CAMTA1: variants seen among roughly 807,000 people sequenced by gnomAD.
CAMTA1 encodes the protein calmodulin binding transcription activator 1.
CAMTA1 carries 27 observed loss-of-function variants against 170.9 expected under a neutral mutation model. The ratio of observed to expected loss-of-function variants is 0.16; its 90% CI spans 0.12 to 0.22. CAMTA1 has a LOEUF of 0.22. CAMTA1 is among the 10% of genes least tolerant of loss of function. CAMTA1 has a pLI of 1.00. For synonymous variants in CAMTA1, 833 were observed against 891.5 expected (o/e 0.93, Z 1.17); for missense variants, 1,619 against 2,217.2 (o/e 0.73, Z 5.42).
At position 7,323,507 on chromosome 1, in the gene CAMTA1, C is replaced by CTTTTTT. The variant is rs56382342; in HGVS notation, c.438+73901_438+73906dup. On this transcript the variant is annotated intron_variant, in intron 5 of 22. Transcript: ENST00000303635. ...GGATGATTCTATTTCCTTTATTCTT[C>CTTTTTT]TTTTTTTTTTTTTTTTTTTTTTTTT... 2.1e-3 allele frequency among the ~76,000 whole-genome samples: 231 copies of CTTTTTT among 108,942 alleles called. 2 individuals carry two copies. Among genetic ancestry groups the CTTTTTT allele is most frequent in the African/African-American group, 4.2e-3 (122 of 29,114 alleles). 71.5% of individuals were successfully genotyped at this position (108,942 alleles called of 152,430 possible).
At chr1:7,151,050 C>T (rs1015209744) in intron 4 of CAMTA1, among the ~76,000 whole-genome samples, 3 of 152,204 alleles carry the variant, frequency 2.0e-5, no homozygotes, top group African/African-American at 7.2e-5. Context: ...TTGGGGGGAG[C>T]ACCCGTTGAA....
chr1:7,497,290 G>C (rs1194840166), intron 6 of CAMTA1, among the ~76,000 whole-genome samples: 1 of 152,036 alleles, frequency 6.6e-6, no homozygotes, highest in East Asian at 1.9e-4. Context: ...GGAGCTAGAA[G>C]CCAGCCACCT....
At chr1:7,322,090 G>C (rs951818409) in intron 5 of CAMTA1, among the ~76,000 whole-genome samples, 2 of 152,150 alleles carry the variant, frequency 1.3e-5, no homozygotes, top group Admixed American at 1.3e-4. Context: ...TTATTTGGGG[G>C]CATTTGCACA....
At chr1:6,898,349 C>T (rs1010998165) in intron 3 of CAMTA1, among the ~76,000 whole-genome samples, 3 of 152,068 alleles carry the variant, frequency 2.0e-5, no homozygotes, top group East Asian at 1.9e-4. Context: ...GTCAGGAGAT[C>T]GAGACCATCC....
Position 7,665,276 on chromosome 1 carries a change from A to T in CAMTA1, c.2652+77A>T. The T allele has an allele frequency of 8.0e-7, 1 of 1,250,090 alleles. No homozygotes were observed. Among genetic ancestry groups the T allele is most frequent in the Non-Finnish European group, 1.1e-6 (1 of 952,030 alleles). 77.4% of individuals were successfully genotyped at this position (1,250,090 alleles called of 1,614,324 possible). A position where few individuals can be genotyped will look rare whatever the true frequency, so the allele number is the denominator to read the frequency against. On this transcript the variant is annotated intron_variant, in intron 9 of 22. Transcript: ENST00000303635. This position sits in a 1 kb window ranked among gnomAD's most constrained non-coding sequence, Gnocchi z 4.3. Reference sequence around the variant, plus strand: ...CCAGCCCCTGCGCCACCCTGCAGCTAAGGGATGCCTGTGGCTGCCCTTCAG... The same window carrying T: ...CCAGCCCCTGCGCCACCCTGCAGCTTAGGGATGCCTGTGGCTGCCCTTCAG...
chr1:7,084,750 G>A (rs184600532), intron 3 of CAMTA1, among the ~76,000 whole-genome samples: 16 of 152,316 alleles, frequency 1.1e-4, no homozygotes, highest in Admixed American at 6.5e-4. Flanking sequence ...CATCCAGTAC[G>A]GCGGCCATGT....
In CAMTA1 at chr1:7,252,256, C is replaced by T. The variant is rs114518451; in HGVS notation, c.438+2630C>T. On this transcript the variant is annotated intron_variant, in intron 5 of 22. Transcript: ENST00000303635. ...GATTACAGTTTTCCCCACATCCTCT[C>T]GCTTAGTGATAGATGAGAGATGGTA... 6.9e-3 allele frequency among the ~76,000 whole-genome samples: 1,048 copies of T among 152,290 alleles called. 7 individuals are homozygous for T. The highest frequency in any genetic ancestry group is 0.024 in the African/African-American group (1,001 of 41,552).
At chr1:7,012,410 C>T (rs1359898536) in intron 3 of CAMTA1, among the ~76,000 whole-genome samples, 1 of 152,132 alleles carries the variant, frequency 6.6e-6, no homozygotes, top group African/African-American at 2.4e-5. Flanking sequence ...GGTCCTGCCT[C>T]CTGGGTTTCT....
intron 5 of CAMTA1, among the ~76,000 whole-genome samples, chr1:7,270,204 C>T (rs1669488392): frequency 7.4e-6 from 1 of 135,138 alleles, no homozygotes; most frequent in African/African-American, 2.9e-5. Flanking sequence ...TATATATACA[C>T]ATATATATAC....
intron 6 of CAMTA1, among the ~76,000 whole-genome samples, chr1:7,518,665 G>T (rs2094320453): frequency 6.6e-6 from 1 of 152,010 alleles, no homozygotes; most frequent in Non-Finnish European, 1.5e-5. Flanking sequence ...GGGCTGGCCT[G>T]GTGCAGGGAG....
chr1:7,655,650 C>T (rs1182222428), intron 7 of CAMTA1, among the ~76,000 whole-genome samples: 1 of 151,166 alleles, frequency 6.6e-6, no homozygotes, highest in Non-Finnish European at 1.5e-5. Context: ...ACACACTACA[C>T]ACCCACACAC....
intron 5 of CAMTA1, among the ~76,000 whole-genome samples, chr1:7,263,069 G>C (rs993693556): frequency 6.6e-6 from 1 of 152,028 alleles, no homozygotes; most frequent in South Asian, 2.1e-4. Flanking sequence ...AACGAGATGC[G>C]ACACGGTATT....
chr1:6,814,947 CTGTG>C (rs1645612814), intron 1 of CAMTA1, among the ~76,000 whole-genome samples: 1 of 152,002 alleles, frequency 6.6e-6, no homozygotes, highest in African/African-American at 2.4e-5. Flanking sequence ...ATGAATGTGC[CTGTG>C]TGTAACATCC....
At chr1:7,170,294 C>CTT (rs750800065) in intron 4 of CAMTA1, among the ~76,000 whole-genome samples, 28 of 132,266 alleles carry the variant, frequency 2.1e-4, no homozygotes, top group African/African-American at 6.9e-4. Context: ...AAATGGGTTT[C>CTT]TTTTTTTTTT....
intron 5 of CAMTA1, among the ~76,000 whole-genome samples, chr1:7,263,546 C>T (rs77139320): frequency 2.0e-5 from 3 of 152,108 alleles, no homozygotes; most frequent in Non-Finnish European, 2.9e-5. Flanking sequence ...AATTATCCTC[C>T]GTTTCTTTTA....
intron 5 of CAMTA1, among the ~76,000 whole-genome samples, chr1:7,386,059 T>C (rs1201783119): frequency 1.3e-5 from 2 of 152,002 alleles, no homozygotes; most frequent in Admixed American, 1.3e-4. Context: ...TGAAAGGCAT[T>C]GGCCCCCCAA....
intron 4 of CAMTA1, among the ~76,000 whole-genome samples, chr1:7,111,440 G>A (rs1006178624): frequency 3.3e-5 from 5 of 152,132 alleles, no homozygotes; most frequent in Non-Finnish European, 5.9e-5. Flanking sequence ...TCCTGAGCAC[G>A]CTGTCTAATC....
intron 1 of CAMTA1, among the ~76,000 whole-genome samples, chr1:6,800,046 T>C (rs894068522): frequency 3.3e-5 from 5 of 152,136 alleles, no homozygotes; most frequent in African/African-American, 1.2e-4. Context: ...CTCAGATATC[T>C]CCTTTCTGAG....
intron 3 of CAMTA1, among the ~76,000 whole-genome samples, chr1:6,881,844 G>A (rs1341864790): frequency 6.6e-6 from 1 of 152,190 alleles, no homozygotes; most frequent in African/African-American, 2.4e-5. Context: ...GCGGTTGCCT[G>A]TAATCTCAGC....
Sources: allele counts gnomAD v4.1 joint callset (sites outside exome capture counted in the v4.1 genomes callset), GRCh38; gene constraint gnomAD v4.1.1; non-coding constraint Gnocchi (gnomAD v3.1); transcripts MANE v1.5; gene names NCBI Gene and HGNC (gene_info 2026-07-23, HGNC 2026-07-21).